The following ATP8B4 variants were observed in gnomAD, a reference collection of about 807,000 sequenced individuals.
ATP8B4 encodes the protein probable phospholipid-transporting ATPase IM.
A neutral mutation model predicts 145.6 loss-of-function variants in ATP8B4; 133 were observed. That is an observed-to-expected ratio of 0.91 (90% confidence interval 0.79 to 1.05). ATP8B4 has a LOEUF of 1.05. Ranked by LOEUF, ATP8B4 falls within the 50% of genes least tolerant of loss-of-function variation. The pLI, the probability that ATP8B4 is intolerant of heterozygous loss-of-function variation, is 0.00. For missense variants in ATP8B4, 1,458 were observed against 1,425.2 expected, an observed-to-expected ratio of 1.02 and a Z score of -0.37; for synonymous variants, 507 against 492.9, an observed-to-expected ratio of 1.03 and a Z score of -0.38.
chr15:50,070,295 G>A (rs8031076), intron 3 of ATP8B4, among the ~76,000 whole-genome samples: 63,141 of 151,638 alleles, frequency 0.42, 13,531 homozygotes, highest in African/African-American at 0.53. Flanking sequence ...AGGATATTCC[G>A]TTTAGGGGTT....
chr15:50,072,526 A>G (rs1228942681), intron 3 of ATP8B4, among the ~76,000 whole-genome samples: 1 of 152,198 alleles, frequency 6.6e-6, no homozygotes, highest in African/African-American at 2.4e-5. Flanking sequence ...ACATCAATGA[A>G]AAAAATCCTC....
intron 1 of ATP8B4, among the ~76,000 whole-genome samples, chr15:50,156,303 CCTAA>C (rs1292771329): frequency 6.6e-6 from 1 of 151,486 alleles, no homozygotes; most frequent in Non-Finnish European, 1.5e-5. Context: ...GCTCTGAGAG[CCTAA>C]CTTTTATACA....
chr15:50,004,754 T>G (rs7176999), intron 7 of ATP8B4, among the ~76,000 whole-genome samples: 103,785 of 152,052 alleles, frequency 0.68, 37,658 homozygotes, highest in East Asian at 0.99. Flanking sequence ...ACAGTAAGGG[T>G]AGGAGCCAGG....
At chr15:49,897,670 C>T (rs2037558830) in intron 22 of ATP8B4, among the ~76,000 whole-genome samples, 155 bp from the exon 23 acceptor site, 1 of 152,168 alleles carries the variant, frequency 6.6e-6, no homozygotes, top group South Asian at 2.1e-4. Flanking sequence ...ATAGATATTT[C>T]TCTTAGTTTT....
intron 9 of ATP8B4, among the ~76,000 whole-genome samples, chr15:49,994,980 G>C (rs938339743): frequency 1.8e-4 from 27 of 152,178 alleles, no homozygotes; most frequent in African/African-American, 6.5e-4. Context: ...GATGCCATTA[G>C]TCCAGATACT....
chr15:50,125,026 A>C (rs796386446), intron 1 of ATP8B4, among the ~76,000 whole-genome samples: 32 of 152,334 alleles, frequency 2.1e-4, no homozygotes, highest in African/African-American at 7.2e-4. Context: ...AAAATAATGT[A>C]TCTCTTGCTA....
At chr15:50,151,571 C>T (rs745371111) in intron 1 of ATP8B4, among the ~76,000 whole-genome samples, 9 of 151,964 alleles carry the variant, frequency 5.9e-5, no homozygotes, top group East Asian at 1.9e-4. Context: ...GTCAACATGG[C>T]GAAACTCCAT....
chr15:50,091,508 G>C (rs924700823), intron 2 of ATP8B4, among the ~76,000 whole-genome samples: 3 of 152,106 alleles, frequency 2.0e-5, no homozygotes, highest in African/African-American at 7.2e-5. Flanking sequence ...AAATGCATTT[G>C]GAAATATGTT....
intron 23 of ATP8B4, among the ~76,000 whole-genome samples, chr15:49,886,137 C>T (rs963126602): frequency 2.6e-5 from 4 of 152,148 alleles, no homozygotes; most frequent in African/African-American, 9.7e-5. Context: ...TACTTGAGAG[C>T]GGGTAATCTA....
Position 49,972,701 on chromosome 15 carries a change from C to T in ATP8B4, c.1124G>A (p.Arg375Gln), listed in dbSNP as rs781245015. ...YSRKAIPAVA[R>Q]TTTLNEELGQ... ...CAGTTCCTCATTGAGCGTGGTCGTT[C>T]GAGCCACTGCAGGTATTGCTTTTCG... Residue 375 changes from arginine to glutamine, a missense_variant, in exon 13 of 28, where the codon CGA (arginine) becomes CAA (glutamine). Transcript: ENST00000284509. The T allele has an allele frequency of 8.7e-6, 14 of 1,612,908 alleles. No individual in the cohort carries two copies. Among genetic ancestry groups the T allele is most frequent in the South Asian group, 6.6e-5 (6 of 91,048 alleles).
intron 26 of ATP8B4, 76 bp from the exon 27 acceptor site, chr15:49,862,451 T>C: frequency 1.3e-6 from 2 of 1,482,246 alleles, no homozygotes; most frequent in Non-Finnish European, 1.8e-6. Flanking sequence ...TCTTTGTTCC[T>C]ACAAGATCTT....
At chr15:50,007,464 C>T (rs1272669590) in intron 7 of ATP8B4, among the ~76,000 whole-genome samples, 5 of 152,194 alleles carry the variant, frequency 3.3e-5, no homozygotes, top group South Asian at 2.1e-4. Context: ...AGCTGTTTGA[C>T]GGCACTGTGC....
intron 16 of ATP8B4, among the ~76,000 whole-genome samples, chr15:49,926,757 C>A (rs4632079): frequency 0.24 from 37,091 of 152,084 alleles, 5,209 homozygotes; most frequent in Non-Finnish European, 0.31. Flanking sequence ...TTATTGAAAG[C>A]AGAAGCTATG....
intron 1 of ATP8B4, among the ~76,000 whole-genome samples, chr15:50,169,161 C>CGTCT (rs1185423808): frequency 6.6e-6 from 1 of 152,204 alleles, no homozygotes; most frequent in Non-Finnish European, 1.5e-5. Context: ...ACCACCAGTC[C>CGTCT]GTCTCCACAC....
At chr15:50,016,909 C>T (rs1314214091) in intron 6 of ATP8B4, among the ~76,000 whole-genome samples, 1 of 152,172 alleles carries the variant, frequency 6.6e-6, no homozygotes, top group Non-Finnish European at 1.5e-5. Context: ...GTATTTATAA[C>T]ATTCCCTTGA....
intron 25 of ATP8B4, among the ~76,000 whole-genome samples, chr15:49,867,454 C>T (rs915123126): frequency 6.6e-6 from 1 of 152,162 alleles, no homozygotes; most frequent in Non-Finnish European, 1.5e-5. Context: ...TATAAAAGTA[C>T]AGCCTTTTCT....
At chr15:50,026,342 C>T (rs2050005074) in intron 6 of ATP8B4, among the ~76,000 whole-genome samples, 1 of 152,082 alleles carries the variant, frequency 6.6e-6, no homozygotes, top group African/African-American at 2.4e-5. Flanking sequence ...CATGAGAATC[C>T]CATGAAGTGC....
chr15:50,073,755 C>T (rs573466001), intron 3 of ATP8B4, among the ~76,000 whole-genome samples: 24 of 152,162 alleles, frequency 1.6e-4, no homozygotes, highest in Non-Finnish European at 2.8e-4. Context: ...CCCTCAAATG[C>T]CATTCATCAA....
At chr15:49,923,237 G>C (rs756133143) in intron 17 of ATP8B4, 142 bp downstream of exon 17, 20 of 670,452 alleles carry the variant, frequency 3.0e-5, no homozygotes, top group Non-Finnish European at 5.1e-6. Context: ...ACAATCATTG[G>C]CACAGCTTCC....
Sources: allele counts gnomAD v4.1 joint callset (sites outside exome capture counted in the v4.1 genomes callset), GRCh38; gene constraint gnomAD v4.1.1; transcripts MANE v1.5; gene names NCBI Gene and HGNC (gene_info 2026-07-23, HGNC 2026-07-21).